The following ZNF608 variants were observed in gnomAD, a reference collection of about 807,000 sequenced individuals.
ZNF608 encodes renal carcinoma antigen NY-REN-36.
ZNF608 carries 12 observed loss-of-function variants against 109.0 expected under a neutral mutation model. The ratio of observed to expected loss-of-function variants is 0.11; its 90% CI spans 0.07 to 0.18. The LOEUF (loss-of-function observed/expected upper bound fraction) is 0.18, where lower values mean the gene tolerates loss of function less well. ZNF608 is among the 10% of genes least tolerant of loss of function. The pLI is 1.00. For synonymous variants in ZNF608, 732 were observed against 717.4 expected, an observed-to-expected ratio of 1.02 and a Z score of -0.33; for missense variants, 1,707 against 1,879.3, an observed-to-expected ratio of 0.91 and a Z score of 1.70.
At chr5:124,688,776 A>G (rs2149834524) in intron 3 of ZNF608, among the ~76,000 whole-genome samples, 1 of 152,356 alleles carries the variant, frequency 6.6e-6, no homozygotes, top group East Asian at 1.9e-4. Flanking sequence ...TTTAAATTAA[A>G]TTAATCTTTG....
In ZNF608 at chr5:124,644,253, T is replaced by C. The variant is rs745505411; in HGVS notation, c.4114A>G (p.Ser1372Gly). Residue 1372 changes from serine to glycine, a missense_variant, in exon 6 of 10, where the codon AGT becomes GGT. By Grantham distance (56) the Ser-to-Gly change is moderately conservative. Coordinates refer to ENST00000513986, the MANE Select transcript of ZNF608 (RefSeq NM_020747.3). ...AACCGACAACACGTACCAGGATAAC[T>C]GTGCATTAGGACGGGAGAAACAGCC... The part of the protein sequence containing the change: ...YRAVSPVLMH[S>G]YPGAYLSPGF... 3.5e-5 allele frequency: 56 copies of C among 1,606,450 alleles called. No individual in the cohort carries two copies. Among genetic ancestry groups the C allele is most frequent in the Middle Eastern group, 1.6e-4 (1 of 6,062 alleles).
rs143180268 is a variant in ZNF608 at position 124,644,584 on chromosome 5, A to G, written c.3783T>C (p.Asp1261=). 108 of 1,613,232 alleles carry G rather than the reference A, an allele frequency of 6.7e-5. No individual in the cohort carries two copies. Among genetic ancestry groups the G allele is most frequent in the Non-Finnish European group, 7.5e-5 (89 of 1,179,852 alleles). Residue 1261 remains aspartate, a synonymous_variant, in exon 6 of 10, where the codon GAT becomes GAC. Transcript: ENST00000513986. ...YLDQQKSEEL[D]REKKLKEDSP... Reference sequence around the variant, plus strand: ...TATCCTCTTTTAATTTCTTCTCTCTATCAAGTTCTTCTGACTTTTGCTGAT... The same window carrying G: ...TATCCTCTTTTAATTTCTTCTCTCTGTCAAGTTCTTCTGACTTTTGCTGAT...
chr5:124,733,402 T>A (rs1241106339), intron 2 of ZNF608, among the ~76,000 whole-genome samples: 1 of 152,018 alleles, frequency 6.6e-6, no homozygotes, highest in African/African-American at 2.4e-5. Context: ...ACAAGCACAA[T>A]GAGGAGCTGT....
chr5:124,744,535 G>A lies in ZNF608; in HGVS notation c.455C>T (p.Ala152Val), dbSNP rs1378718287. ...GCCGCTGCTCACACTTTGACCCAGC[G>A]CTGAATTCATGCCAGTTGCCTCTCC... ...RPGEATGMNS[A>V]LGQSVSSGGS... The change falls in exon 2 of 10, where the codon GCG (alanine) becomes GTG (valine). Residue 152 changes from alanine (A) to valine (V), a missense_variant. By Grantham distance (64) the Ala-to-Val change is moderately conservative. This residue lies in a region of ZNF608 where 407 missense variants were observed against 398.7 expected (regional missense o/e 1.02). Transcript: ENST00000513986. This position sits in a 1 kb window ranked among gnomAD's most constrained non-coding sequence, Gnocchi z 4.5. 8 of 1,614,084 alleles carry A rather than the reference G, an allele frequency of 5.0e-6. No individual in the cohort carries two copies. The African/African-American group carries it at 9.3e-5, about 19-fold the overall frequency.
At chr5:124,741,310 C>G (rs1157281273) in intron 2 of ZNF608, among the ~76,000 whole-genome samples, 5 of 132,832 alleles carry the variant, frequency 3.8e-5, no homozygotes, top group Non-Finnish European at 7.9e-5. Context: ...ATAAACAGAC[C>G]AAAAATAGAC....
chr5:124,699,544 G>A (rs966800302), intron 3 of ZNF608, among the ~76,000 whole-genome samples: 1 of 152,108 alleles, frequency 6.6e-6, no homozygotes, highest in East Asian at 1.9e-4. Context: ...GCTGACCATA[G>A]CTACTTTCAG....
At chr5:124,689,728 A>C (rs903629728) in intron 3 of ZNF608, among the ~76,000 whole-genome samples, 1 of 152,184 alleles carries the variant, frequency 6.6e-6, no homozygotes, top group African/African-American at 2.4e-5. Flanking sequence ...GTCAAAATCC[A>C]CAACACTGAC....
chr5:124,727,991 G>A (rs1434675221), intron 2 of ZNF608, among the ~76,000 whole-genome samples: 4 of 152,010 alleles, frequency 2.6e-5, no homozygotes, highest in Admixed American at 6.6e-5. Flanking sequence ...TGCCCGCCTC[G>A]GCTTCCCAAA....
intron 3 of ZNF608, among the ~76,000 whole-genome samples, chr5:124,654,483 G>A (rs1353869950): frequency 1.3e-5 from 2 of 152,160 alleles, no homozygotes; most frequent in African/African-American, 4.8e-5. Context: ...AAATGCAAAG[G>A]TTCTCACTTC....
At chr5:124,729,621 ATATGTGTATATGT>A (rs1291123003) in intron 2 of ZNF608, among the ~76,000 whole-genome samples, 3 of 152,234 alleles carry the variant, frequency 2.0e-5, no homozygotes, top group Non-Finnish European at 2.9e-5. Flanking sequence ...CTGTACTTCT[ATATGTGTATATGT>A]TTAAGTATAT....
chr5:124,719,869 T>A (rs1353206140), intron 2 of ZNF608, among the ~76,000 whole-genome samples: 2 of 152,198 alleles, frequency 1.3e-5, no homozygotes, highest in African/African-American at 4.8e-5. Flanking sequence ...GCAAGAGCTG[T>A]GCTTCTTCTT....
At position 124,720,937 on chromosome 5, in the gene ZNF608, G is replaced by T. The variant is rs562243385; in HGVS notation, c.907-19668C>A. On this transcript the variant is annotated intron_variant, in intron 2 of 9. Coordinates refer to ENST00000513986, the MANE Select transcript of ZNF608 (RefSeq NM_020747.3). Reference sequence around the variant, plus strand: ...TAATAAACGCTTCTCTCTTACTTTTGAATAATGACTTAAAGAAAAAAGTAG... The same window carrying T: ...TAATAAACGCTTCTCTCTTACTTTTTAATAATGACTTAAAGAAAAAAGTAG... Among the ~76,000 whole-genome samples, 11 of 135,412 alleles carry T rather than the reference G, an allele frequency of 8.1e-5. No homozygotes were observed. The East Asian group carries it at 2.5e-3, about 31-fold the overall frequency. 88.8% of individuals were successfully genotyped at this position (135,412 alleles called of 152,430 possible).
chr5:124,644,556 G>A lies in ZNF608; in HGVS notation c.3811C>T (p.Pro1271Ser). The A allele has an allele frequency of 1.2e-6, 2 of 1,613,928 alleles. No individual in the cohort carries two copies. Among genetic ancestry groups the A allele is most frequent in the Non-Finnish European group, 1.7e-6 (2 of 1,179,990 alleles). Residue 1271 changes from proline (P) to serine (S), a missense_variant, in exon 6 of 10, where the codon CCG becomes TCG. Around this residue, in one of 7 missense-constraint regions of ZNF608, gnomAD observed 1,073 missense variants for 1,133.5 expected, o/e 0.95. Transcript: ENST00000513986. ...DREKKLKEDS[P>S]RKTPNKESGV... The stretch of plus-strand genomic sequence containing the variant: ...CTCTCTTTATTAGGAGTTTTCCTCG[G>A]ACTATCCTCTTTTAATTTCTTCTCT...
chr5:124,726,215 C>G (rs1754132235), intron 2 of ZNF608, among the ~76,000 whole-genome samples: 1 of 152,142 alleles, frequency 6.6e-6, no homozygotes, highest in Non-Finnish European at 1.5e-5. Flanking sequence ...ACGGCGCTGG[C>G]TCCTACTGCT....
Position 124,732,025 on chromosome 5 carries a change from C to T in ZNF608, c.906+12059G>A, listed in dbSNP as rs1748933653. On this transcript the variant is annotated intron_variant, in intron 2 of 9. Transcript: ENST00000513986. ...CTCTTTGCTCCCCAATTCCTACAATCCTCTTGTTCACCGCCCCTCAGAAGA... is the reference window on the plus strand; with the variant it reads ...CTCTTTGCTCCCCAATTCCTACAATTCTCTTGTTCACCGCCCCTCAGAAGA... 3.9e-5 allele frequency among the ~76,000 whole-genome samples: 6 copies of T among 152,230 alleles called. No homozygotes were observed. In the South Asian group the frequency reaches 1.2e-3, roughly 32 times the overall value.
Position 124,641,414 on chromosome 5 carries a change from GA to G in ZNF608, c.4297-10del. 6.3e-7 allele frequency: 1 copy of G among 1,598,730 alleles called. No homozygotes were observed. Among genetic ancestry groups the G allele is most frequent in the Non-Finnish European group, 8.5e-7 (1 of 1,169,660 alleles). On this transcript the variant is annotated splice_polypyrimidine_tract_variant and intron_variant, in intron 7 of 9. Coordinates refer to ENST00000513986, the MANE Select transcript of ZNF608 (RefSeq NM_020747.3). ...GTAGCCTTTTCCACAGGCTGCAACA[GA>G]AAAGAGAAATTTTCCCCCTTCATGC...
At chr5:124,747,269 C>G (rs1417040120), upstream of ZNF608, among the ~76,000 whole-genome samples, 1 of 151,406 alleles carries the variant, frequency 6.6e-6, no homozygotes, top group Non-Finnish European at 1.5e-5. Context: ...TCTCCTCTCC[C>G]TTCGCCCAGC....
chr5:124,670,210 T>C (rs7729295), intron 3 of ZNF608, among the ~76,000 whole-genome samples: 19,043 of 152,144 alleles, frequency 0.13, 2,130 homozygotes, highest in African/African-American at 0.3. Context: ...AATCCTTTCT[T>C]CACAGAGATA....
rs76183749 is a variant in ZNF608 at position 124,737,126 on chromosome 5, C to T, written c.906+6958G>A. Among the ~76,000 whole-genome samples the T allele has an allele frequency of 2.8e-4, 43 of 152,324 alleles. 2 individuals are homozygous for T. The East Asian group carries it at 8.3e-3, about 29-fold the overall frequency. On this transcript the variant is annotated intron_variant, in intron 2 of 9. Coordinates refer to ENST00000513986, the MANE Select transcript of ZNF608 (RefSeq NM_020747.3). ...CGTCTGTGGCACCATGCCATCTGCTCTCTGGTTAGCATAATAAGCCAATTC... is the reference window on the plus strand; with the variant it reads ...CGTCTGTGGCACCATGCCATCTGCTTTCTGGTTAGCATAATAAGCCAATTC...
Sources: allele counts gnomAD v4.1 joint callset (sites outside exome capture counted in the v4.1 genomes callset), GRCh38; gene constraint gnomAD v4.1.1; regional missense constraint gnomAD v4.1.1; non-coding constraint Gnocchi (gnomAD v3.1); transcripts MANE v1.5; gene names NCBI Gene and HGNC (gene_info 2026-07-23, HGNC 2026-07-21).